The following UNC5D variants were observed in gnomAD, a reference collection of about 807,000 sequenced individuals.
UNC5D encodes netrin receptor UNC5D.
Under a neutral mutation model 105.4 loss-of-function variants are expected in UNC5D, and 39 were observed. The observed-to-expected ratio is 0.37, with a 90% CI of 0.29 to 0.48. The LOEUF is 0.48. UNC5D is among the 20% of genes least tolerant of loss of function. UNC5D has a pLI of 0.98. For synonymous variants in UNC5D, 452 were observed against 450.4 expected (o/e 1.00, Z -0.04); for missense variants, 991 against 1,202.4 (o/e 0.82, Z 2.60).
At position 35,768,645 on chromosome 8, in the gene UNC5D, T is replaced by A. The variant is rs147186119; in HGVS notation, c.2478+1579T>A. ...GATCAACTTGTGCTATTACAGGACA[T>A]TTATGTAAGAGGAATGTGATAGGTA... is the stretch of plus-strand genomic sequence containing the variant. On this transcript the variant is annotated intron_variant, in intron 15 of 16. Transcript: ENST00000404895. Among the ~76,000 whole-genome samples, 26 of 152,318 alleles carry A rather than the reference T, an allele frequency of 1.7e-4. 1 individual carries two copies. Among genetic ancestry groups the A allele is most frequent in the African/African-American group, 6.3e-4 (26 of 41,576 alleles).
intron 15 of UNC5D, among the ~76,000 whole-genome samples, chr8:35,773,275 A>G (rs116498038): frequency 0.011 from 1,723 of 152,232 alleles, 32 homozygotes; most frequent in African/African-American, 0.04. Flanking sequence ...TGAAATGACA[A>G]ATTCTTATTG....
At chr8:35,608,472 G>C (rs569179203) in intron 4 of UNC5D, among the ~76,000 whole-genome samples, 154 of 152,264 alleles carry the variant, frequency 1.0e-3, no homozygotes, top group South Asian at 2.7e-3. Flanking sequence ...TTTGTTACGT[G>C]CATAGGTTGC....
At chr8:35,579,617 C>A (rs1818338215) in intron 3 of UNC5D, among the ~76,000 whole-genome samples, 1 of 152,104 alleles carries the variant, frequency 6.6e-6, no homozygotes, top group Admixed American at 6.6e-5. Flanking sequence ...GTCCATCCAT[C>A]CAGGATGGAA....
intron 1 of UNC5D, among the ~76,000 whole-genome samples, chr8:35,359,136 C>G (rs955877825): frequency 2.0e-5 from 3 of 152,152 alleles, no homozygotes; most frequent in East Asian, 1.9e-4. Context: ...GATGGCCAAG[C>G]AAGACCCTGT....
intron 1 of UNC5D, among the ~76,000 whole-genome samples, chr8:35,442,904 T>TCACACACACACACA: frequency 7.1e-6 from 1 of 141,252 alleles, no homozygotes; most frequent in African/African-American, 2.7e-5. Flanking sequence ...TCTCTCTCTC[T>TCACACACACACACA]CACACACACA....
At chr8:35,548,862 A>AT (rs1815893145) in intron 1 of UNC5D, among the ~76,000 whole-genome samples, 1 of 152,198 alleles carries the variant, frequency 6.6e-6, no homozygotes, top group African/African-American at 2.4e-5. Context: ...CTCTGTTATC[A>AT]TCCCTGTCAT....
At chr8:35,305,709 GACTC>G (rs1808347639) in intron 1 of UNC5D, among the ~76,000 whole-genome samples, 1 of 125,240 alleles carries the variant, frequency 8.0e-6, no homozygotes. Flanking sequence ...CTCCCTGCCT[GACTC>G]CCTCTCTTTC....
intron 1 of UNC5D, among the ~76,000 whole-genome samples, chr8:35,517,766 G>A (rs1460842718): frequency 6.6e-6 from 1 of 152,116 alleles, no homozygotes; most frequent in Non-Finnish European, 1.5e-5. Flanking sequence ...CCATGGACTG[G>A]GTAGCTTACA....
intron 1 of UNC5D, among the ~76,000 whole-genome samples, chr8:35,329,441 G>A (rs1366828433): frequency 6.7e-6 from 1 of 149,780 alleles, no homozygotes; most frequent in Non-Finnish European, 1.5e-5. Context: ...GGAAAAAAAA[G>A]GATAGAAAAA....
chr8:35,634,633 T>G (rs1358581919), intron 4 of UNC5D, among the ~76,000 whole-genome samples: 1 of 152,106 alleles, frequency 6.6e-6, no homozygotes, highest in Non-Finnish European at 1.5e-5. Context: ...CAAATACTGA[T>G]GCAGGGGGGA....
intron 1 of UNC5D, among the ~76,000 whole-genome samples, chr8:35,390,592 A>G (rs542854759): frequency 6.6e-6 from 1 of 152,282 alleles, no homozygotes; most frequent in African/African-American, 2.4e-5. Flanking sequence ...AAAAAGTAAA[A>G]TTGATCTTTG....
chr8:35,541,130 GTC>G (rs1330892906), intron 1 of UNC5D, among the ~76,000 whole-genome samples: 1 of 152,142 alleles, frequency 6.6e-6, no homozygotes, highest in Non-Finnish European at 1.5e-5. Flanking sequence ...GAATCAAGCA[GTC>G]CTTGAACCAA....
At chr8:35,537,418 G>A (rs1814919437) in intron 1 of UNC5D, among the ~76,000 whole-genome samples, 1 of 152,128 alleles carries the variant, frequency 6.6e-6, no homozygotes, top group Non-Finnish European at 1.5e-5. Flanking sequence ...GGTGGCTCAT[G>A]CCTATAATTC....
intron 1 of UNC5D, among the ~76,000 whole-genome samples, chr8:35,342,365 T>A (rs958949779): frequency 6.6e-6 from 1 of 152,116 alleles, no homozygotes; most frequent in Non-Finnish European, 1.5e-5. Context: ...GAATTGCTTG[T>A]CATGTTACCT....
At chr8:35,547,446 G>A (rs913924356) in intron 1 of UNC5D, among the ~76,000 whole-genome samples, 4 of 151,918 alleles carry the variant, frequency 2.6e-5, no homozygotes, top group African/African-American at 9.7e-5. Flanking sequence ...TTACAGGCAC[G>A]TGCCACCATG....
intron 1 of UNC5D, among the ~76,000 whole-genome samples, chr8:35,470,564 T>G (rs1809632452): frequency 6.9e-6 from 1 of 144,574 alleles, no homozygotes; most frequent in African/African-American, 2.6e-5. Context: ...GAGACTAGCT[T>G]GGGTAACATG....
chr8:35,539,693 C>T (rs1815131623), intron 1 of UNC5D, among the ~76,000 whole-genome samples: 1 of 152,110 alleles, frequency 6.6e-6, no homozygotes, highest in Non-Finnish European at 1.5e-5. Context: ...ACATCACATA[C>T]AAAAAATTCC....
At chr8:35,514,256 T>C (rs1209897305) in intron 1 of UNC5D, among the ~76,000 whole-genome samples, 1 of 152,170 alleles carries the variant, frequency 6.6e-6, no homozygotes, top group Non-Finnish European at 1.5e-5. Context: ...GTGTGCAACC[T>C]TCTCTCCCTC....
At chr8:35,666,467 A>T (rs1824430254) in intron 4 of UNC5D, among the ~76,000 whole-genome samples, 1 of 152,250 alleles carries the variant, frequency 6.6e-6, no homozygotes. Context: ...TTAAAAAAAA[A>T]AAAAGTCACA....
Sources: allele counts gnomAD v4.1 joint callset (sites outside exome capture counted in the v4.1 genomes callset), GRCh38; gene constraint gnomAD v4.1.1; transcripts MANE v1.5; gene names NCBI Gene and HGNC (gene_info 2026-07-23, HGNC 2026-07-21).